Variants in RANBP17 observed in about 807,000 individuals in gnomAD.
RANBP17 encodes RAN binding protein 17, also known as ran-binding protein 17.
Under a neutral mutation model 141.2 loss-of-function variants are expected in RANBP17, and 158 were observed. The ratio of observed to expected loss-of-function variants is 1.12; its 90% CI spans 0.98 to 1.28. The LOEUF (loss-of-function observed/expected upper bound fraction) is 1.28. Ranked by LOEUF, RANBP17 falls within the 50% of genes most tolerant of loss-of-function variation. RANBP17 has a pLI of 0.00. For synonymous variants in RANBP17, 430 were observed against 450.0 expected (o/e 0.96, Z 0.56); for missense variants, 1,438 against 1,290.7 (o/e 1.11, Z -1.75).
intron 14 of RANBP17, among the ~76,000 whole-genome samples, chr5:171,153,238 A>G (rs985585273): frequency 1.5e-4 from 23 of 152,224 alleles, no homozygotes; most frequent in African/African-American, 5.3e-4. Context: ...GGTGTTGTTA[A>G]TTAGAGCAGC....
intron 1 of RANBP17, among the ~76,000 whole-genome samples, chr5:170,875,054 C>T (rs1768067776): frequency 2.0e-5 from 3 of 152,118 alleles, no homozygotes; most frequent in Admixed American, 1.3e-4. Context: ...ATTTGCTTGT[C>T]TGAAATGGAT....
At chr5:171,210,036 T>C (rs556348266) in intron 20 of RANBP17, among the ~76,000 whole-genome samples, 37 of 152,366 alleles carry the variant, frequency 2.4e-4, no homozygotes, top group African/African-American at 8.7e-4. Flanking sequence ...TGGTATCCTG[T>C]AAGGCAGTGT....
At chr5:171,257,726 T>C (rs888415006) in intron 24 of RANBP17, among the ~76,000 whole-genome samples, 3 of 152,152 alleles carry the variant, frequency 2.0e-5, no homozygotes, top group Admixed American at 2.0e-4. Flanking sequence ...AAAATCATTG[T>C]ACAAAAATCA....
chr5:170,885,463 G>A (rs1293448905), intron 3 of RANBP17, among the ~76,000 whole-genome samples: 1 of 152,148 alleles, frequency 6.6e-6, no homozygotes, highest in East Asian at 1.9e-4. Context: ...GAGCAGGCTT[G>A]CAGTGATAAT....
chr5:171,036,809 T>A (rs1018541654), intron 14 of RANBP17, among the ~76,000 whole-genome samples: 1 of 152,226 alleles, frequency 6.6e-6, no homozygotes, highest in Non-Finnish European at 1.5e-5. Context: ...ATGGTGTATA[T>A]GTACTATATT....
At chr5:171,263,278 T>C (rs1766453230) in intron 24 of RANBP17, among the ~76,000 whole-genome samples, 1 of 152,216 alleles carries the variant, frequency 6.6e-6, no homozygotes, top group African/African-American at 2.4e-5. Flanking sequence ...TGCTCACCAT[T>C]TTAACTGTTG....
At chr5:170,895,947 G>T in intron 4 of RANBP17, 103 bp from the exon 5 acceptor site, 1 of 523,686 alleles carries the variant, frequency 1.9e-6, no homozygotes, top group Non-Finnish European at 3.3e-6. Context: ...TTGAGTAAAT[G>T]TGGTGTTTCA....
rs141585441 is a variant in RANBP17, at chr5:171,096,495, A to G, written c.1711-73635A>G. Among the ~76,000 whole-genome samples, 115 of 152,294 alleles carry G rather than the reference A, an allele frequency of 7.6e-4. 1 individual carries two copies. The highest frequency in any genetic ancestry group is 2.7e-3 in the African/African-American group (114 of 41,570). ...TTCATTTGCTACATAGGCAGTAAAT[A>G]TTTAGGTAGCACATCTTCATAGAAG... On this transcript the variant is annotated intron_variant, in intron 14 of 27. Transcript: ENST00000523189.
At chr5:170,862,655 C>T (rs993345667) in intron 1 of RANBP17, among the ~76,000 whole-genome samples, 2 of 152,056 alleles carry the variant, frequency 1.3e-5, no homozygotes, top group African/African-American at 4.8e-5. Context: ...AGGAGGAAAC[C>T]CGGGCCGGGC....
At position 171,240,923 on chromosome 5, in the gene RANBP17, A is replaced by G. The variant is rs1035989303; in HGVS notation, c.2423-5A>G. On this transcript the variant is annotated splice_region_variant and splice_polypyrimidine_tract_variant and intron_variant, in intron 22 of 27. Transcript: ENST00000523189. ...ATGTCACTTTCTGCTTTTATCCTGA[A>G]ACAGGTAATCAGATCCTGTCCCTTG... 2 of 1,601,772 alleles carry G rather than the reference A, an allele frequency of 1.2e-6. No individual in the cohort carries two copies. Among genetic ancestry groups the G allele is most frequent in the African/African-American group, 2.7e-5 (2 of 74,698 alleles).
intron 14 of RANBP17, among the ~76,000 whole-genome samples, chr5:171,132,687 A>C (rs188721558): frequency 3.7e-4 from 56 of 151,676 alleles, no homozygotes; most frequent in Admixed American, 1.6e-3. Flanking sequence ...ACACCACTGC[A>C]CTCTAGCCTG....
intron 12 of RANBP17, among the ~76,000 whole-genome samples, chr5:170,948,378 T>G (rs775033491): frequency 2.0e-5 from 3 of 152,126 alleles, no homozygotes; most frequent in Non-Finnish European, 4.4e-5. Flanking sequence ...ACTTGCAGGA[T>G]ACGGGATCAA....
intron 11 of RANBP17, among the ~76,000 whole-genome samples, chr5:170,923,070 A>G (rs1187262221): frequency 2.6e-5 from 4 of 152,128 alleles, no homozygotes; most frequent in Admixed American, 6.5e-5. Flanking sequence ...TGTTATACCT[A>G]TGGAAACTAA....
intron 14 of RANBP17, among the ~76,000 whole-genome samples, chr5:170,971,736 C>T (rs184761593): frequency 6.6e-6 from 1 of 152,258 alleles, no homozygotes; most frequent in East Asian, 1.9e-4. Flanking sequence ...CTCAGGTGTA[C>T]TCCTTTCTTC....
intron 14 of RANBP17, among the ~76,000 whole-genome samples, chr5:171,102,561 T>C (rs1787246893): frequency 6.6e-6 from 1 of 151,854 alleles, no homozygotes; most frequent in African/African-American, 2.4e-5. Context: ...CTCAGAGGAG[T>C]TTGTTATTAC....
rs575526861 is a variant in RANBP17, at chr5:170,993,701, A to G, written c.1710+25324A>G. Among the ~76,000 whole-genome samples the G allele has an allele frequency of 2.0e-5, 3 of 152,154 alleles. No individual in the cohort carries two copies. The East Asian group carries it at 5.8e-4, about 29-fold the overall frequency. The stretch of plus-strand genomic sequence containing the variant: ...AATATTAACTGTTGTAATGATGATG[A>G]TAATGATGACCATTGCATGGCTGTC... On this transcript the variant is annotated intron_variant, in intron 14 of 27. Transcript: ENST00000523189.
At chr5:171,218,636 A>C (rs973143834) in intron 21 of RANBP17, among the ~76,000 whole-genome samples, 6 of 151,664 alleles carry the variant, frequency 4.0e-5, no homozygotes, top group Admixed American at 6.6e-5. Context: ...CGTTGCATTG[A>C]TCCCTTTAGC....
chr5:171,190,816 TGAA>T (rs1761580435), intron 18 of RANBP17, among the ~76,000 whole-genome samples: 1 of 152,182 alleles, frequency 6.6e-6, no homozygotes, highest in Non-Finnish European at 1.5e-5. Flanking sequence ...TTTCATTTGG[TGAA>T]GAACCAAAAT....
intron 12 of RANBP17, among the ~76,000 whole-genome samples, chr5:170,935,647 C>T (rs186654700): frequency 2.2e-3 from 329 of 152,282 alleles, no homozygotes; most frequent in Non-Finnish European, 3.7e-3. Flanking sequence ...CTAATCCTTC[C>T]TCTGGAAGCT....
Sources: gnomAD v4.1 joint callset for allele counts (sites outside exome capture counted in the v4.1 genomes callset) on GRCh38, gnomAD v4.1.1 for gene constraint, MANE v1.5 for transcripts, NCBI Gene and HGNC (gene_info 2026-07-23, HGNC 2026-07-21) for gene names.